Variants in KIAA0232 observed in about 807,000 individuals in gnomAD.
The protein encoded by KIAA0232 is KIAA0232, also known as uncharacterized protein KIAA0232.
Under a neutral mutation model 122.0 loss-of-function variants are expected in KIAA0232, and 27 were observed. The observed-to-expected ratio is 0.22, with a 90% CI of 0.16 to 0.31. The LOEUF (loss-of-function observed/expected upper bound fraction) is 0.31, where lower values mean the gene tolerates loss of function less well. Ranked by LOEUF, KIAA0232 falls within the 10% of genes least tolerant of loss-of-function variation. The pLI is 1.00. For synonymous variants in KIAA0232, 613 were observed against 587.6 expected (o/e 1.04, Z -0.63); for missense variants, 1,551 against 1,634.2 (o/e 0.95, Z 0.88).
Position 6,877,198 on chromosome 4 carries a change from A to C in KIAA0232, c.4008+441A>C, listed in dbSNP as rs953594431. Among the ~76,000 whole-genome samples, 3 of 152,136 alleles carry C rather than the reference A, an allele frequency of 2.0e-5. No homozygotes were observed. In the East Asian group the frequency reaches 5.8e-4, roughly 29 times the overall value. ...TTGTTGCCGCTGTCCCGGCTTCTGC[A>C]GAACGATCCCGCCCTTTCCGTGTCC... On this transcript the variant is annotated intron_variant, in intron 9 of 9. Transcript: ENST00000307659.
intron 1 of KIAA0232, among the ~76,000 whole-genome samples, chr4:6,789,120 G>A (rs1411865144): frequency 5.3e-5 from 8 of 151,806 alleles, no homozygotes; most frequent in African/African-American, 1.2e-4. Context: ...ACAGGCGCCC[G>A]ACCACAACGC....
chr4:6,825,188 A>C (rs542032345), intron 3 of KIAA0232, among the ~76,000 whole-genome samples: 1 of 152,194 alleles, frequency 6.6e-6, no homozygotes, highest in African/African-American at 2.4e-5. Flanking sequence ...CAATTTTGCT[A>C]TAAGTCAGGA....
rs749336795 is a variant in KIAA0232 at position 6,862,332 on chromosome 4, G to A, written c.1950G>A (p.Val650=). ...EGSGINSCFS[V]FEVQCSNSVL... ...CTGGTATAAACTCTTGTTTTTCAGT[G>A]TTTGAAGTGCAATGCAGTAATTCTG... Residue 650 remains valine, a synonymous_variant, in exon 7 of 10, where the codon GTG becomes GTA. Transcript: ENST00000307659. 7 of 1,614,008 alleles carry A rather than the reference G, an allele frequency of 4.3e-6. No homozygotes were observed. Among genetic ancestry groups the A allele is most frequent in the Non-Finnish European group, 5.1e-6 (6 of 1,180,030 alleles).
At chr4:6,814,086 AAGT>A (rs1718003303) in intron 2 of KIAA0232, among the ~76,000 whole-genome samples, 1 of 152,150 alleles carries the variant, frequency 6.6e-6, no homozygotes, top group African/African-American at 2.4e-5. Context: ...GTACAACTGC[AAGT>A]ATATGTATGT....
chr4:6,791,498 T>G (rs2108874482), intron 1 of KIAA0232, among the ~76,000 whole-genome samples: 1 of 151,664 alleles, frequency 6.6e-6, no homozygotes. Flanking sequence ...CCAGCTAATT[T>G]TTAAATTTTT....
intron 1 of KIAA0232, among the ~76,000 whole-genome samples, chr4:6,783,233 G>T (rs972663483): frequency 1.3e-5 from 2 of 152,310 alleles, no homozygotes; most frequent in Non-Finnish European, 2.9e-5. Context: ...GGTGGTGCCC[G>T]GGCGTGCGGG....
intron 1 of KIAA0232, among the ~76,000 whole-genome samples, chr4:6,786,379 T>A (rs1402898452): frequency 1.3e-5 from 2 of 152,232 alleles, no homozygotes; most frequent in Non-Finnish European, 2.9e-5. Flanking sequence ...CGTGGCTCAC[T>A]GTAGCCTCAA....
intron 3 of KIAA0232, among the ~76,000 whole-genome samples, chr4:6,832,350 C>CTT (rs541814218): frequency 7.4e-5 from 10 of 134,720 alleles, no homozygotes; most frequent in East Asian, 2.1e-4. Flanking sequence ...AAGTTGGGGC[C>CTT]TTTTTTTTTT....
chr4:6,803,067 G>C (rs1717458495), intron 1 of KIAA0232, among the ~76,000 whole-genome samples: 1 of 149,672 alleles, frequency 6.7e-6, no homozygotes, highest in Non-Finnish European at 1.5e-5. Flanking sequence ...TGTGGTCCCT[G>C]CTACTGTGGA....
chr4:6,859,341 A>G (rs913166672), intron 6 of KIAA0232, among the ~76,000 whole-genome samples: 7 of 152,146 alleles, frequency 4.6e-5, no homozygotes, highest in African/African-American at 1.7e-4. Flanking sequence ...CTGAAACCTA[A>G]GAAAAAAATA....
chr4:6,816,861 A>G (rs890181578), intron 2 of KIAA0232, among the ~76,000 whole-genome samples: 4 of 152,064 alleles, frequency 2.6e-5, no homozygotes, highest in African/African-American at 9.7e-5. Context: ...ATTTCATTTA[A>G]GTTATTGAAT....
At chr4:6,852,678 A>G (rs1307127181) in intron 4 of KIAA0232, among the ~76,000 whole-genome samples, 1 of 152,202 alleles carries the variant, frequency 6.6e-6, no homozygotes, top group Non-Finnish European at 1.5e-5. Context: ...TGAAACAACT[A>G]TTTACCCACA....
chr4:6,846,398 A>ACCGCCTGAGCT (rs1012797977), intron 4 of KIAA0232, among the ~76,000 whole-genome samples: 5 of 152,260 alleles, frequency 3.3e-5, no homozygotes, highest in African/African-American at 1.2e-4. Context: ...AGCAAGCTTT[A>ACCGCCTGAGCT]CCGCCTGAGC....
At chr4:6,842,465 C>G (rs1719714765) in intron 4 of KIAA0232, among the ~76,000 whole-genome samples, 1 of 152,034 alleles carries the variant, frequency 6.6e-6, no homozygotes. Context: ...ACTATTTCAT[C>G]CTGTTATTAC....
chr4:6,870,573 C>A (rs1023735825), intron 7 of KIAA0232, among the ~76,000 whole-genome samples: 17 of 151,944 alleles, frequency 1.1e-4, no homozygotes, highest in African/African-American at 4.1e-4. Context: ...GAGGCCAAGG[C>A]GGGCAGATCA....
rs569248951 is a variant in KIAA0232, at chr4:6,860,001, C to T, written c.519-900C>T. The stretch of plus-strand genomic sequence containing the variant: ...GTGTGTCTTGGTGTCCTCACACAGG[C>T]TCTCAGGCCTCACAGGTAGTACTCA... On this transcript the variant is annotated intron_variant, in intron 6 of 9. Transcript: ENST00000307659. Among the ~76,000 whole-genome samples the T allele has an allele frequency of 4.6e-5, 7 of 152,328 alleles. No individual in the cohort carries two copies. In the South Asian group the frequency reaches 1.2e-3, roughly 27 times the overall value.
chr4:6,875,560 G>A (rs768121262), intron 8 of KIAA0232, among the ~76,000 whole-genome samples: 13 of 152,270 alleles, frequency 8.5e-5, no homozygotes, highest in East Asian at 1.9e-4. Flanking sequence ...GCACAGCCTC[G>A]CTACTCTGTG....
In KIAA0232 at chr4:6,836,078, C is replaced by G. The variant is rs143159776; in HGVS notation, c.232-5989C>G. Among the ~76,000 whole-genome samples the G allele has an allele frequency of 3.4e-3, 518 of 152,350 alleles. 4 individuals are homozygous for G. Among genetic ancestry groups the G allele is most frequent in the African/African-American group, 0.012 (486 of 41,566 alleles). ...CACAATGGTTGAACTAATTTACAGT[C>G]CCACCAATAGTGTAGAAGCGTTCCT... On this transcript the variant is annotated intron_variant, in intron 3 of 9. Coordinates refer to ENST00000307659, the MANE Select transcript of KIAA0232 (RefSeq NM_014743.3).
chr4:6,879,319 G>T (rs1047193086), intron 9 of KIAA0232, among the ~76,000 whole-genome samples: 2 of 152,132 alleles, frequency 1.3e-5, no homozygotes, highest in Non-Finnish European at 2.9e-5. Flanking sequence ...ATCAGGCGCC[G>T]TGTATCCGAG....
Sources: gnomAD v4.1 joint callset for allele counts (sites outside exome capture counted in the v4.1 genomes callset) on GRCh38, gnomAD v4.1.1 for gene constraint, MANE v1.5 for transcripts, NCBI Gene and HGNC (gene_info 2026-07-23, HGNC 2026-07-21) for gene names.